Variants in BBOF1 observed in about 807,000 individuals in gnomAD.
BBOF1 encodes the protein basal body orientation factor 1, also known as basal body-orientation factor 1.
A neutral mutation model predicts 68.0 loss-of-function variants in BBOF1; 62 were observed. That is an observed-to-expected ratio of 0.91 (90% CI 0.74 to 1.13). BBOF1 has a LOEUF of 1.13. BBOF1 is among the 50% of genes most tolerant of loss of function. The pLI is 0.00. For synonymous variants in BBOF1, 208 were observed against 198.8 expected, an observed-to-expected ratio of 1.05 and a Z score of -0.39; for missense variants, 534 against 600.1, an observed-to-expected ratio of 0.89 and a Z score of 1.15.
chr14:74,069,740 C>T (rs952111452), downstream of BBOF1, among the ~76,000 whole-genome samples: 1 of 151,532 alleles, frequency 6.6e-6, no homozygotes, highest in Non-Finnish European at 1.5e-5. Flanking sequence ...GCAACAAGAG[C>T]AAAACTCCAT....
intron 11 of BBOF1, chr14:74,058,004 C>A: frequency 1.4e-6 from 1 of 716,864 alleles, no homozygotes; most frequent in Non-Finnish European, 1.7e-6. Flanking sequence ...TTTTATTTAA[C>A]CCAGCCTATA....
chr14:74,033,421 T>C (rs953548688), intron 3 of BBOF1, among the ~76,000 whole-genome samples: 3 of 151,508 alleles, frequency 2.0e-5, no homozygotes, highest in Admixed American at 1.3e-4. Flanking sequence ...ATACAAAAAT[T>C]AGCTGGGCGT....
intron 6 of BBOF1, among the ~76,000 whole-genome samples, chr14:74,047,057 T>A (rs557467141): frequency 1.5e-4 from 23 of 152,222 alleles, no homozygotes; most frequent in Non-Finnish European, 3.1e-4. Context: ...AAGTTAAATT[T>A]CTTCAACTAA....
At chr14:74,036,211 G>A (rs560884841) in intron 4 of BBOF1, among the ~76,000 whole-genome samples, 59 of 152,092 alleles carry the variant, frequency 3.9e-4, no homozygotes, top group South Asian at 8.3e-4. Context: ...GCACGCCACC[G>A]TGCTAGGCTA....
At position 74,019,431 on chromosome 14, in the gene BBOF1, C is replaced by CGG. The variant is rs1566783302; in HGVS notation, c.-47_-46dup. ...CCCTTGGAGACAGAGCTGGCCAGGGCGGCCGCGGCTGGGCAACTACGACAG... is the reference window on the plus strand; with the variant it reads ...CCCTTGGAGACAGAGCTGGCCAGGGCGGGGCCGCGGCTGGGCAACTACGACAG... On this transcript the variant is annotated 5_prime_UTR_variant, in exon 1 of 12. Coordinates refer to ENST00000394009, the MANE Select transcript of BBOF1 (RefSeq NM_025057.3). 1 of 1,574,628 alleles carries CGG rather than the reference C, an allele frequency of 6.4e-7. No individual in the cohort carries two copies. The highest frequency in any genetic ancestry group is 1.2e-5 in the South Asian group (1 of 86,236).
chr14:74,055,803 A>T, intron 9 of BBOF1, 118 bp downstream of exon 9: 1 of 670,994 alleles, frequency 1.5e-6, no homozygotes, highest in Admixed American at 2.9e-5. Flanking sequence ...ACCAGAAAAT[A>T]TAAAAAGGCC....
chr14:74,026,930 G>GA (rs111292368), intron 2 of BBOF1, among the ~76,000 whole-genome samples: 61 of 134,594 alleles, frequency 4.5e-4, no homozygotes, highest in Middle Eastern at 3.9e-3. Flanking sequence ...ATCTCAAAAG[G>GA]AAAAAAAAAA....
At chr14:74,042,369 C>A (rs572578894) in intron 5 of BBOF1, among the ~76,000 whole-genome samples, 1 of 152,236 alleles carries the variant, frequency 6.6e-6, no homozygotes, top group Non-Finnish European at 1.5e-5. Flanking sequence ...CCACCCTAAT[C>A]TTGATCTCTT....
chr14:74,044,299 A>G (rs748540589), intron 5 of BBOF1, among the ~76,000 whole-genome samples: 1 of 151,940 alleles, frequency 6.6e-6, no homozygotes, highest in Admixed American at 6.6e-5. Flanking sequence ...GACCTCCTCT[A>G]GTTACTATCT....
rs2060456632 is a variant in BBOF1, at chr14:74,065,968, C to T, written c.*1269C>T. 6.4e-6 allele frequency: 1 copy of T among 156,402 alleles called. No individual in the cohort carries two copies. The highest frequency in any genetic ancestry group is 2.4e-5 in the African/African-American group (1 of 41,406). 9.7% of individuals were successfully genotyped at this position (156,402 alleles called of 1,614,324 possible). A position where few individuals can be genotyped will look rare whatever the true frequency, so the allele number is the denominator to read the frequency against. On this transcript the variant is annotated 3_prime_UTR_variant, in exon 12 of 12. Transcript: ENST00000394009. ...TAATTTCTACTGCACTTACATTCAA[C>T]ACTTGATGATTCACTATTATAGTAA...
chr14:74,064,297 C>CAA (rs368051564), intron 11 of BBOF1, among the ~76,000 whole-genome samples: 1,898 of 126,964 alleles, frequency 0.015, 48 homozygotes, highest in African/African-American at 0.044. Flanking sequence ...GACTGTGTCT[C>CAA]AAAAAAAAAA....
At chr14:74,032,893 G>A (rs1490359530) in intron 3 of BBOF1, among the ~76,000 whole-genome samples, 4 of 151,722 alleles carry the variant, frequency 2.6e-5, no homozygotes, top group Non-Finnish European at 4.4e-5. Flanking sequence ...GTTGTTATTG[G>A]CCTTTCCTTC....
At chr14:74,031,948 G>A (rs2059579880) in intron 3 of BBOF1, 1 of 151,840 alleles carries the variant, frequency 6.6e-6, no homozygotes, top group Middle Eastern at 3.2e-3. Flanking sequence ...TTATATCGTT[G>A]GGATAGATTA....
At chr14:74,071,307 G>A in intron 9 of BBOF1, 1 of 1,614,192 alleles carries the variant, frequency 6.2e-7, no homozygotes, top group East Asian at 2.2e-5. Flanking sequence ...GTTTCATTAG[G>A]AAGGTATTTC....
At chr14:74,080,911 T>C (rs536256955) in intron 10 of BBOF1, among the ~76,000 whole-genome samples, 1 of 152,248 alleles carries the variant, frequency 6.6e-6, no homozygotes, top group Non-Finnish European at 1.5e-5. Flanking sequence ...ACATAGTATC[T>C]TTGCTTTTCT....
intron 11 of BBOF1, chr14:74,060,509 T>C: frequency 1.3e-6 from 1 of 753,520 alleles, no homozygotes; most frequent in East Asian, 2.7e-5. Context: ...CGGGGGTTAA[T>C]AGTCCTGAGG....
chr14:74,028,498 A>ACT (rs1211823675), intron 2 of BBOF1, among the ~76,000 whole-genome samples: 4 of 127,132 alleles, frequency 3.1e-5, no homozygotes, highest in African/African-American at 8.6e-5. Context: ...ACACACACAC[A>ACT]CACACACACA....
At chr14:74,037,275 T>C (rs1232254083) in intron 4 of BBOF1, among the ~76,000 whole-genome samples, 13 of 70,384 alleles carry the variant, frequency 1.8e-4, no homozygotes, top group Non-Finnish European at 2.7e-4. Context: ...GCCTGGCCTC[T>C]TTTTTTTTTT....
intron 2 of BBOF1, among the ~76,000 whole-genome samples, chr14:74,023,420 G>A (rs1329027426): frequency 6.6e-6 from 1 of 152,088 alleles, no homozygotes. Context: ...TTATTTTAAG[G>A]ATAAGAGCAT....
Sources: gnomAD v4.1 joint callset for allele counts (sites outside exome capture counted in the v4.1 genomes callset) on GRCh38, gnomAD v4.1.1 for gene constraint, MANE v1.5 for transcripts, NCBI Gene and HGNC (gene_info 2026-07-23, HGNC 2026-07-21) for gene names.